Variants in AHSA1 observed in about 807,000 individuals in gnomAD.
AHSA1 encodes activator of HSP90 ATPase activity 1.
Under a neutral mutation model 46.1 loss-of-function variants are expected in AHSA1, and 14 were observed. The observed-to-expected ratio is 0.30, with a 90% confidence interval of 0.20 to 0.47. The LOEUF is 0.47. Among genes scored for constraint, AHSA1 ranks in the 20% least tolerant of loss-of-function variants. The pLI is 0.99. For missense variants in AHSA1, 333 were observed against 415.9 expected (o/e 0.80, Z 1.73); for synonymous variants, 147 against 145.8 (o/e 1.01, Z -0.06).
At chr14:77,468,774 G>A (rs960644364) in intron 8 of AHSA1, 2 of 499,018 alleles carry the variant, frequency 4.0e-6, no homozygotes, top group Non-Finnish European at 6.7e-6. Context: ...TAGAGATGGG[G>A]TCCTACTACA....
At chr14:77,463,766 C>T (rs1266804821) in intron 4 of AHSA1, among the ~76,000 whole-genome samples, 1 of 152,162 alleles carries the variant, frequency 6.6e-6, no homozygotes, top group Admixed American at 6.5e-5. Context: ...TCAGCTTTCC[C>T]CTGGGATTCC....
chr14:77,463,585 C>CAAAAAAAAAA (rs565353457), intron 4 of AHSA1, among the ~76,000 whole-genome samples: 1 of 75,084 alleles, frequency 1.3e-5, no homozygotes. Flanking sequence ...GACTCCATCT[C>CAAAAAAAAAA]AAAAAAAAAA....
At chr14:77,463,596 A>C (rs1041192836) in intron 4 of AHSA1, among the ~76,000 whole-genome samples, 2 of 59,184 alleles carry the variant, frequency 3.4e-5, no homozygotes, top group Non-Finnish European at 1.1e-4. Context: ...AAAAAAAAAA[A>C]AAACAAAAAA....
intron 5 of AHSA1, 98 bp from the exon 6 acceptor site, chr14:77,465,441 A>G: frequency 7.1e-7 from 1 of 1,405,176 alleles, no homozygotes; most frequent in Non-Finnish European, 9.7e-7. Flanking sequence ...GGAGGTGAAC[A>G]TTTTTATGAG....
At chr14:77,468,830 C>G (rs926045561) in intron 8 of AHSA1, 2 of 621,728 alleles carry the variant, frequency 3.2e-6, no homozygotes, top group Admixed American at 5.6e-5. Context: ...GATCCTCCTG[C>G]CTCAGCCTCC....
rs948864841 is a variant in AHSA1 at position 77,468,421 on chromosome 14, G to A, written c.793-36G>A. 1.9e-5 allele frequency: 30 copies of A among 1,578,456 alleles called. No individual in the cohort carries two copies. In the African/African-American group the frequency reaches 3.8e-4, roughly 20 times the overall value. ...CCTAGCTAGGATTGGGTACATTGTA[G>A]TATATAATATAGACTGAGCTGTTTG... is the stretch of plus-strand genomic sequence containing the variant. On this transcript the variant is annotated intron_variant, in intron 7 of 8. Transcript: ENST00000216479.
chr14:77,465,393 C>A, intron 5 of AHSA1, 146 bp from the exon 6 acceptor site: 2 of 908,414 alleles, frequency 2.2e-6, no homozygotes, highest in Non-Finnish European at 3.2e-6. Context: ...CACCTACACA[C>A]TCAAATTCCC....
upstream of AHSA1, chr14:77,458,077 G>A (rs780790640): frequency 5.3e-5 from 48 of 906,448 alleles, no homozygotes; most frequent in South Asian, 8.4e-4. Flanking sequence ...GCCAGGAGGT[G>A]CTTGCGGCCG....
intron 2 of AHSA1, among the ~76,000 whole-genome samples, chr14:77,461,812 C>G (rs1383989438): frequency 6.6e-6 from 1 of 152,098 alleles, no homozygotes; most frequent in South Asian, 2.1e-4. Flanking sequence ...TCAAATTGTT[C>G]CCTAATATTT....
At position 77,462,508 on chromosome 14, in the gene AHSA1, G is replaced by T; in HGVS notation, c.355-134G>T. ...AGGACTCAAGAAGGAACACTAATGG[G>T]GATTGTACGAATACCGCAGTACTCA... On this transcript the variant is annotated intron_variant, in intron 3 of 8. Transcript: ENST00000216479. 3.5e-6 allele frequency: 3 copies of T among 865,632 alleles called. No individual in the cohort carries two copies. The South Asian group carries it at 4.4e-5, about 13-fold the overall frequency. The allele number at this position is 865,632 out of a possible 1,614,324, so 53.6% of individuals were successfully genotyped here. A position where few individuals can be genotyped will look rare whatever the true frequency, so the allele number is the denominator to read the frequency against.
chr14:77,468,976 G>A (rs2079061670), intron 8 of AHSA1, 101 bp from the exon 9 acceptor site: 1 of 1,368,392 alleles, frequency 7.3e-7, no homozygotes, highest in African/African-American at 1.4e-5. Flanking sequence ...CCAAAGTGCT[G>A]GGATTACAGG....
chr14:77,463,621 G>A (rs2079035873), intron 4 of AHSA1, among the ~76,000 whole-genome samples: 1 of 150,936 alleles, frequency 6.6e-6, no homozygotes, highest in African/African-American at 2.4e-5. Context: ...CTGTATTTGA[G>A]GCTCACATTA....
chr14:77,461,357 C>T (rs958753849), intron 2 of AHSA1, among the ~76,000 whole-genome samples: 10 of 152,052 alleles, frequency 6.6e-5, no homozygotes, highest in Non-Finnish European at 2.9e-5. Context: ...GGTGAAACCC[C>T]ATCTCTACTA....
At chr14:77,464,512 A>T (rs34099277) in intron 4 of AHSA1, 86 bp from the exon 5 acceptor site, 144,609 of 1,136,562 alleles carry the variant, frequency 0.13, 10,308 homozygotes, top group Middle Eastern at 0.25. Context: ...CTGTGGTAGG[A>T]TGGCTGTGTT....
intron 8 of AHSA1, chr14:77,468,721 CTTTTTTTTTTT>C: frequency 4.5e-6 from 1 of 222,880 alleles, no homozygotes; most frequent in Non-Finnish European, 7.2e-6. Context: ...ACCATGCCAG[CTTTTTTTTTTT>C]TTTTTTTTTT....
chr14:77,459,713 G>A lies in AHSA1; in HGVS notation c.178G>A (p.Glu60Lys), dbSNP rs1483233698. Residue 60 changes from glutamate (E) to lysine (K), a missense_variant, in exon 2 of 9, where the codon GAA becomes AAA. Transcript: ENST00000216479. ...QNEEGKCEVT[E>K]VSKLDGEASI... is the part of the protein sequence containing the mutation. ...TGAAGAAGGCAAGTGTGAGGTGACG[G>A]AAGTGAGTAAGCTTGATGGAGAGGC... 1 of 1,614,090 alleles carries A rather than the reference G, an allele frequency of 6.2e-7. No homozygotes were observed. The highest frequency in any genetic ancestry group is 8.5e-7 in the Non-Finnish European group (1 of 1,180,038).
rs1327087133 is a variant in AHSA1, at chr14:77,469,266, C to A, written c.*17C>A. On this transcript the variant is annotated 3_prime_UTR_variant, in exon 9 of 9. Transcript: ENST00000216479. Reference sequence around the variant, plus strand: ...TTATTTTAGGGCCAGCGGCAGGGGACTCCAGCCTGCTGGACACTTCAGTCC... The same window carrying A: ...TTATTTTAGGGCCAGCGGCAGGGGAATCCAGCCTGCTGGACACTTCAGTCC... The A allele has an allele frequency of 1.2e-6, 2 of 1,612,068 alleles. No homozygotes were observed. Among genetic ancestry groups the A allele is most frequent in the African/African-American group, 2.7e-5 (2 of 74,928 alleles).
At position 77,460,139 on chromosome 14, in the gene AHSA1, A is replaced by G. The variant is rs144012570; in HGVS notation, c.271+333A>G. 6.8e-3 allele frequency: 2,303 copies of G among 338,092 alleles called. 15 individuals carry two copies. The highest frequency in any genetic ancestry group is 0.015 in the Middle Eastern group (15 of 996). The allele number at this position is 338,092 out of a possible 1,614,324, so 20.9% of individuals were successfully genotyped here. A position where few individuals can be genotyped will look rare whatever the true frequency, so the allele number is the denominator to read the frequency against. On this transcript the variant is annotated intron_variant, in intron 2 of 8. Transcript: ENST00000216479. Reference sequence around the variant, plus strand: ...TGAGTGATTTAAAAGGAGGAAGGAGAGGATTTTTTTGGTCTTGATCTTTGT... The same window carrying G: ...TGAGTGATTTAAAAGGAGGAAGGAGGGGATTTTTTTGGTCTTGATCTTTGT...
chr14:77,466,861 A>G (rs918556207), intron 6 of AHSA1, among the ~76,000 whole-genome samples: 2 of 152,252 alleles, frequency 1.3e-5, no homozygotes, highest in African/African-American at 4.8e-5. Context: ...TGTGGTCTTC[A>G]TGTGAATTGA....
Sources: allele counts gnomAD v4.1 joint callset (sites outside exome capture counted in the v4.1 genomes callset), GRCh38; gene constraint gnomAD v4.1.1; transcripts MANE v1.5; gene names NCBI Gene and HGNC (gene_info 2026-07-23, HGNC 2026-07-21).